The following SHB variants were observed in gnomAD, a reference collection of about 807,000 sequenced individuals.
SHB encodes the protein SH2 domain-containing adapter protein B.
Under a neutral mutation model 52.3 loss-of-function variants are expected in SHB, and 20 were observed. The observed-to-expected ratio is 0.38, with a 90% CI of 0.27 to 0.56. SHB has a LOEUF of 0.56. SHB is among the 20% of genes least tolerant of loss of function. SHB has a pLI of 0.71. For missense variants in SHB, 825 were observed against 723.3 expected, an observed-to-expected ratio of 1.14 and a Z score of -1.61; for synonymous variants, 397 against 316.5, an observed-to-expected ratio of 1.25 and a Z score of -2.70.
chr9:38,041,374 G>A (rs1249363039), intron 1 of SHB, among the ~76,000 whole-genome samples: 1 of 152,142 alleles, frequency 6.6e-6, no homozygotes, highest in East Asian at 1.9e-4. Flanking sequence ...ACATGAGATG[G>A]GCCAGGTAGT....
At chr9:38,016,797 G>A (rs2096593247) in intron 1 of SHB, among the ~76,000 whole-genome samples, 1 of 152,178 alleles carries the variant, frequency 6.6e-6, no homozygotes, top group South Asian at 2.1e-4. Context: ...ACAACACATG[G>A]GTAAACTGAG....
At chr9:37,965,736 CA>C (rs1364933741) in intron 3 of SHB, among the ~76,000 whole-genome samples, 1 of 152,074 alleles carries the variant, frequency 6.6e-6, no homozygotes, top group African/African-American at 2.4e-5. Context: ...TCACCATGCC[CA>C]GCTAATTTTG....
intron 3 of SHB, among the ~76,000 whole-genome samples, chr9:37,966,716 A>G (rs1212890453): frequency 6.6e-6 from 1 of 152,220 alleles, no homozygotes; most frequent in East Asian, 1.9e-4. Flanking sequence ...AAGAGACAGC[A>G]TTCTCCTGGC....
intron 3 of SHB, among the ~76,000 whole-genome samples, chr9:37,973,748 G>A (rs1425785393): frequency 6.6e-6 from 1 of 152,184 alleles, no homozygotes. Context: ...TTGGCCAGGG[G>A]AGGGTCATCT....
Position 37,919,938 on chromosome 9 carries a change from G to C in SHB, c.1413C>G (p.Asn471Lys), listed in dbSNP as rs1457110168. The change falls in exon 6 of 6, where the codon AAC becomes AAG. Residue 471 changes from asparagine (N) to lysine (K), a missense_variant. Transcript: ENST00000377707. Reference sequence around the variant, plus strand: ...CCGGGACACTGTCGAACGGAGGGCTGTTCTGACCCAGAACGTATTTCTCTT... The same window carrying C: ...CCGGGACACTGTCGAACGGAGGGCTCTTCTGACCCAGAACGTATTTCTCTT... ...KTKEKYVLGQNSPPFDSVPEV... is the reference protein window; with the variant it reads ...KTKEKYVLGQKSPPFDSVPEV... The C allele has an allele frequency of 6.2e-7, 1 of 1,614,084 alleles. No individual in the cohort carries two copies. Among genetic ancestry groups the C allele is most frequent in the African/African-American group, 1.3e-5 (1 of 75,046 alleles).
chr9:37,973,521 C>G (rs902936836), intron 3 of SHB, among the ~76,000 whole-genome samples: 5 of 152,188 alleles, frequency 3.3e-5, no homozygotes, highest in African/African-American at 4.8e-5. Flanking sequence ...CCGCGCCCGG[C>G]CTTCTGAATT....
chr9:37,984,682 T>G (rs879691631), intron 2 of SHB, among the ~76,000 whole-genome samples: 4 of 152,168 alleles, frequency 2.6e-5, no homozygotes, highest in Middle Eastern at 3.4e-3. Context: ...CACCACGGAG[T>G]GAGCGATGAG....
chr9:38,004,198 G>A (rs1821053430), intron 2 of SHB, among the ~76,000 whole-genome samples: 2 of 152,326 alleles, frequency 1.3e-5, no homozygotes, highest in South Asian at 4.1e-4. Flanking sequence ...GGAGGCTTAG[G>A]AGAGATGCTG....
rs1268707815 is a variant in SHB at position 37,989,054 on chromosome 9, TA to T, written c.839-14218del. 5.6e-4 allele frequency among the ~76,000 whole-genome samples: 84 copies of T among 148,732 alleles called. 1 individual carries two copies. Among genetic ancestry groups the T allele is most frequent in the African/African-American group, 2.0e-3 (79 of 39,890 alleles). On this transcript the variant is annotated intron_variant, in intron 2 of 5. Transcript: ENST00000377707. ...ATCACATGATCCATTTTTTTTTTTATAAATCTCTCTGCACATGCACATACAC... is the reference window on the plus strand; with the variant it reads ...ATCACATGATCCATTTTTTTTTTTATAATCTCTCTGCACATGCACATACAC...
intron 1 of SHB, among the ~76,000 whole-genome samples, chr9:38,052,315 A>T (rs1301745504): frequency 6.6e-6 from 1 of 152,014 alleles, no homozygotes; most frequent in Non-Finnish European, 1.5e-5. Flanking sequence ...GACTTGTACA[A>T]GGCCTCCTCC....
At chr9:37,949,997 C>T (rs1049940201) in intron 4 of SHB, among the ~76,000 whole-genome samples, 1 of 152,192 alleles carries the variant, frequency 6.6e-6, no homozygotes, top group South Asian at 2.1e-4. Flanking sequence ...AGTGCCGTGG[C>T]GCGATAATAG....
At chr9:38,024,581 C>T (rs1277822328) in intron 1 of SHB, among the ~76,000 whole-genome samples, 2 of 152,212 alleles carry the variant, frequency 1.3e-5, no homozygotes, top group East Asian at 3.8e-4. Flanking sequence ...AGCTTCACCC[C>T]CTCAGAGTGA....
At chr9:37,998,838 C>A (rs1820980429) in intron 2 of SHB, among the ~76,000 whole-genome samples, 11 of 152,226 alleles carry the variant, frequency 7.2e-5, no homozygotes. Flanking sequence ...AAACTGACTT[C>A]AAAGGCAAGG....
At chr9:38,012,272 G>GAAAGA (rs1821150018) in intron 2 of SHB, among the ~76,000 whole-genome samples, 1 of 152,162 alleles carries the variant, frequency 6.6e-6, no homozygotes, top group Non-Finnish European at 1.5e-5. Context: ...AGAGGCCCTG[G>GAAAGA]AAAGAATGCT....
intron 2 of SHB, among the ~76,000 whole-genome samples, chr9:38,005,232 C>G (rs927746318): frequency 6.6e-6 from 1 of 152,230 alleles, no homozygotes; most frequent in South Asian, 2.1e-4. Context: ...GAGACGGCCC[C>G]TCTTTCGGTG....
chr9:38,013,849 C>G (rs1821175064), intron 2 of SHB, among the ~76,000 whole-genome samples: 1 of 152,166 alleles, frequency 6.6e-6, no homozygotes, highest in Non-Finnish European at 1.5e-5. Flanking sequence ...GTCCCATGTT[C>G]TGCACTCAGG....
At chr9:38,042,493 G>A (rs1022120087) in intron 1 of SHB, among the ~76,000 whole-genome samples, 4 of 152,192 alleles carry the variant, frequency 2.6e-5, no homozygotes, top group Admixed American at 2.6e-4. Context: ...TGGGAAGGGG[G>A]AATCCCCAGT....
intron 5 of SHB, 53 bp from the exon 6 acceptor site, chr9:37,920,057 G>A: frequency 7.0e-7 from 1 of 1,432,568 alleles, no homozygotes; most frequent in South Asian, 1.2e-5. Flanking sequence ...CTCAGGCTGA[G>A]GCCAAGGGTC....
chr9:38,045,956 G>A (rs562446080), intron 1 of SHB, among the ~76,000 whole-genome samples: 1 of 152,242 alleles, frequency 6.6e-6, no homozygotes, highest in South Asian at 2.1e-4. Context: ...CCAGGCACAG[G>A]TGGCTCACGC....
Sources: allele counts gnomAD v4.1 joint callset (sites outside exome capture counted in the v4.1 genomes callset), GRCh38; gene constraint gnomAD v4.1.1; transcripts MANE v1.5; gene names NCBI Gene and HGNC (gene_info 2026-07-23, HGNC 2026-07-21).